ARHGAP25: variants seen among roughly 807,000 people sequenced by gnomAD.
The protein encoded by ARHGAP25 is Rho GTPase activating protein 25, also known as rho GTPase-activating protein 25.
A neutral mutation model predicts 71.0 loss-of-function variants in ARHGAP25; 34 were observed. The observed-to-expected ratio is 0.48, with a 90% CI of 0.36 to 0.64. The LOEUF is 0.64. ARHGAP25 is among the 30% of genes least tolerant of loss of function. The pLI is 0.00. For synonymous variants in ARHGAP25, 282 were observed against 296.5 expected (o/e 0.95, Z 0.50); for missense variants, 706 against 805.1 (o/e 0.88, Z 1.49).
At chr2:68,721,510 A>G (rs529440144) in intron 2 of ARHGAP25, among the ~76,000 whole-genome samples, 6 of 152,392 alleles carry the variant, frequency 3.9e-5, no homozygotes, top group South Asian at 2.1e-4. Flanking sequence ...TCAAAGTGTT[A>G]TCTTTGCCAG....
chr2:68,775,363 T>C lies in ARHGAP25; in HGVS notation c.204T>C (p.Phe68=). 6.2e-7 allele frequency: 1 copy of C among 1,614,202 alleles called. No individual in the cohort carries two copies. The highest frequency in any genetic ancestry group is 8.5e-7 in the Non-Finnish European group (1 of 1,180,036). ...SIVKNWQQRY[F]VLRAQQLYYY... ...TGAAGAACTGGCAGCAGAGGTACTT[T>C]GTGCTGAGGGCGCAGCAGCTCTACT... The change falls in exon 2 of 11, where the codon TTT becomes TTC. Residue 68 remains phenylalanine, a synonymous_variant. Transcript: ENST00000409202.
rs1677206399 is a variant in ARHGAP25 at position 68,767,568 on chromosome 2, G to T, written c.62-7653G>T. Among the ~76,000 whole-genome samples the T allele has an allele frequency of 1.3e-5, 2 of 152,094 alleles. No individual in the cohort carries two copies. The highest frequency in any genetic ancestry group is 6.5e-5 in the Admixed American group (1 of 15,276). The stretch of plus-strand genomic sequence containing the variant: ...GGCTCCTTCCTCAGCTGTGGTGTGG[G>T]CCTGACTGCCGGCCCACGGTAGCTT... On this transcript the variant is annotated intron_variant, in intron 1 of 10. Transcript: ENST00000409202. This position sits in a 1 kb window ranked among gnomAD's most constrained non-coding sequence, Gnocchi z 4.6.
intron 2 of ARHGAP25, among the ~76,000 whole-genome samples, chr2:68,723,775 G>C (rs1433583629): frequency 6.6e-6 from 1 of 152,158 alleles, no homozygotes; most frequent in African/African-American, 2.4e-5. Context: ...CTTCAGGGTG[G>C]TTTATTTCAT....
intron 2 of ARHGAP25, among the ~76,000 whole-genome samples, chr2:68,718,574 G>A (rs924045748): frequency 2.0e-5 from 3 of 151,956 alleles, no homozygotes; most frequent in Non-Finnish European, 2.9e-5. Context: ...TAAATAGATA[G>A]ATACCTAGAC....
intron 1 of ARHGAP25, among the ~76,000 whole-genome samples, chr2:68,741,129 C>T (rs75677739): frequency 0.012 from 1,801 of 152,286 alleles, 38 homozygotes; most frequent in African/African-American, 0.041. Context: ...AGACTAGAAG[C>T]TGTACTTGGA....
At chr2:68,733,680 A>C (rs994074270), upstream of ARHGAP25, among the ~76,000 whole-genome samples, 5 of 152,172 alleles carry the variant, frequency 3.3e-5, no homozygotes, top group South Asian at 8.3e-4. Context: ...GCTTGTGGAC[A>C]TTCTCTTTCA....
Position 68,780,937 on chromosome 2 carries a change from G to A in ARHGAP25, c.262-1296G>A, listed in dbSNP as rs77408235. Reference sequence around the variant, plus strand: ...AGGCCTGCTACCTTCAACAGCCAGCGAGGTGTAAATTATGAATAACTAGAT... The same window carrying A: ...AGGCCTGCTACCTTCAACAGCCAGCAAGGTGTAAATTATGAATAACTAGAT... On this transcript the variant is annotated intron_variant, in intron 2 of 10. Coordinates refer to ENST00000409202, the MANE Select transcript of ARHGAP25 (RefSeq NM_001007231.3). Among the ~76,000 whole-genome samples the A allele has an allele frequency of 4.8e-3, 732 of 152,278 alleles. 7 individuals carry two copies. Among genetic ancestry groups the A allele is most frequent in the African/African-American group, 0.017 (705 of 41,538 alleles).
chr2:68,777,289 T>C (rs1038309425), intron 2 of ARHGAP25, among the ~76,000 whole-genome samples: 2 of 152,232 alleles, frequency 1.3e-5, no homozygotes, highest in South Asian at 2.1e-4. Context: ...AGGTAGTTTA[T>C]ATAAAAGGAT....
At chr2:68,814,157 TA>T (rs1405382290) in intron 6 of ARHGAP25, among the ~76,000 whole-genome samples, 1 of 152,260 alleles carries the variant, frequency 6.6e-6, no homozygotes, top group Admixed American at 6.5e-5. Flanking sequence ...TCGACTATGT[TA>T]AAAGCCCTCT....
chr2:68,723,206 G>A (rs1674805220), intron 2 of ARHGAP25, among the ~76,000 whole-genome samples: 1 of 152,204 alleles, frequency 6.6e-6, no homozygotes. Context: ...ACATGACAAA[G>A]GGAGTTATCC....
intron 4 of ARHGAP25, among the ~76,000 whole-genome samples, chr2:68,799,740 T>G (rs1293281676): frequency 6.6e-6 from 1 of 151,970 alleles, no homozygotes; most frequent in African/African-American, 2.4e-5. Context: ...CGAGGGGAAG[T>G]GCTGGGGGAA....
In ARHGAP25 at chr2:68,787,900, C is replaced by A. The variant is rs146399222; in HGVS notation, c.410C>A (p.Ala137Glu). The A allele has an allele frequency of 6.2e-7, 1 of 1,614,080 alleles. No individual in the cohort carries two copies. The highest frequency in any genetic ancestry group is 8.5e-7 in the Non-Finnish European group (1 of 1,180,044). Residue 137 changes from alanine to glutamate, a missense_variant, in exon 4 of 11, where the codon GCG becomes GAG. Coordinates refer to ENST00000409202, the MANE Select transcript of ARHGAP25 (RefSeq NM_001007231.3). ...DSYVLMASSQ[A>E]EMEEWVKFLR... is the part of the protein sequence containing the mutation. ...TATGTCCTCATGGCCAGCTCTCAGG[C>A]GGAGATGGAGGAGTGGGTTAAATTC...
intron 10 of ARHGAP25, among the ~76,000 whole-genome samples, chr2:68,824,865 A>T (rs566925043): frequency 6.6e-6 from 1 of 152,340 alleles, no homozygotes; most frequent in South Asian, 2.1e-4. Flanking sequence ...AGGCCCTTGA[A>T]GATAGAACCC....
At chr2:68,746,703 A>AC (rs370621628) in intron 1 of ARHGAP25, among the ~76,000 whole-genome samples, 8,558 of 139,452 alleles carry the variant, frequency 0.061, 319 homozygotes, top group African/African-American at 0.11. Flanking sequence ...GACAGGGACC[A>AC]CCCCCCTCCC....
At chr2:68,770,272 G>A (rs924023042) in intron 1 of ARHGAP25, among the ~76,000 whole-genome samples, 4 of 152,158 alleles carry the variant, frequency 2.6e-5, no homozygotes, top group African/African-American at 4.8e-5. Flanking sequence ...GGATGGATGG[G>A]TCTACAGCTC....
chr2:68,784,924 G>A (rs961863392), intron 3 of ARHGAP25, among the ~76,000 whole-genome samples: 1 of 152,340 alleles, frequency 6.6e-6, no homozygotes, highest in South Asian at 2.1e-4. Context: ...GAACAGAGCC[G>A]GCAGAGTTTG....
intron 1 of ARHGAP25, among the ~76,000 whole-genome samples, chr2:68,771,250 C>T (rs1000121154): frequency 1.3e-5 from 2 of 152,138 alleles, no homozygotes; most frequent in African/African-American, 4.8e-5. Context: ...GTTCTGTAAA[C>T]ACTGAGCAAC....
chr2:68,806,084 G>C (rs550974887), intron 4 of ARHGAP25, among the ~76,000 whole-genome samples: 5 of 152,316 alleles, frequency 3.3e-5, no homozygotes, highest in African/African-American at 9.6e-5. Context: ...TGCTTTGCTG[G>C]AGGCAGGGTA....
At chr2:68,738,612 TC>T (rs1675341724) in intron 1 of ARHGAP25, among the ~76,000 whole-genome samples, 1 of 151,870 alleles carries the variant, frequency 6.6e-6, no homozygotes, top group South Asian at 2.1e-4. Flanking sequence ...TAGATAAAGG[TC>T]CCCGATAGAT....
Sources: allele counts gnomAD v4.1 joint callset (sites outside exome capture counted in the v4.1 genomes callset), GRCh38; gene constraint gnomAD v4.1.1; non-coding constraint Gnocchi (gnomAD v3.1); transcripts MANE v1.5; gene names NCBI Gene and HGNC (gene_info 2026-07-23, HGNC 2026-07-21).